ANKDD1A: variants seen among roughly 807,000 people sequenced by gnomAD.
The protein encoded by ANKDD1A is ankyrin repeat and death domain-containing protein 1A.
ANKDD1A carries 59 observed loss-of-function variants against 63.5 expected under a neutral mutation model. That is an observed-to-expected ratio of 0.93 (90% CI 0.75 to 1.15). ANKDD1A has a LOEUF of 1.15. ANKDD1A is among the 50% of genes most tolerant of loss of function. The pLI is 0.00. For synonymous variants in ANKDD1A, 266 were observed against 263.9 expected (o/e 1.01, Z -0.08); for missense variants, 632 against 656.4 (o/e 0.96, Z 0.41).
At chr15:64,952,115 CTTT>C (rs2085298528) in intron 14 of ANKDD1A, among the ~76,000 whole-genome samples, 197 of 11,798 alleles carry the variant, frequency 0.017, 2 homozygotes, top group African/African-American at 0.023. Context: ...TTTTCTTCTT[CTTT>C]CTTCTCTTTC....
At chr15:64,947,157 G>A (rs1281706996) in intron 12 of ANKDD1A, among the ~76,000 whole-genome samples, 2 of 152,182 alleles carry the variant, frequency 1.3e-5, no homozygotes, top group African/African-American at 4.8e-5. Context: ...ATGAGGTTGA[G>A]GGGCAGGAAG....
chr15:64,952,730 CCTT>C (rs1389335907), intron 14 of ANKDD1A, among the ~76,000 whole-genome samples: 13 of 123,548 alleles, frequency 1.1e-4, no homozygotes, highest in African/African-American at 3.0e-4. Flanking sequence ...TTCTTCTTCT[CCTT>C]CTTCCTCCTT....
At chr15:64,917,578 ATGAGCCAG>A in intron 3 of ANKDD1A, 64 bp downstream of exon 3, 2 of 1,511,948 alleles carry the variant, frequency 1.3e-6, no homozygotes, top group Non-Finnish European at 1.8e-6. Flanking sequence ...CTCTGGGTCT[ATGAGCCAG>A]TTGCCGAGAT....
intron 9 of ANKDD1A, among the ~76,000 whole-genome samples, chr15:64,941,646 T>C (rs1330928803): frequency 6.6e-6 from 1 of 152,250 alleles, no homozygotes; most frequent in Non-Finnish European, 1.5e-5. Context: ...AACCCTTTTA[T>C]AGCTCAATAC....
At chr15:64,954,468 T>C (rs1336860680) in intron 14 of ANKDD1A, among the ~76,000 whole-genome samples, 7 of 70,136 alleles carry the variant, frequency 1.0e-4, no homozygotes, top group Admixed American at 9.1e-4. Flanking sequence ...CTCTTCTCCT[T>C]CTTCCTCTTT....
In ANKDD1A at chr15:64,926,156, G is replaced by T; in HGVS notation, c.457G>T (p.Asp153Tyr). 6.2e-7 allele frequency: 1 copy of T among 1,613,924 alleles called. No individual in the cohort carries two copies. The highest frequency in any genetic ancestry group is 1.1e-5 in the South Asian group (1 of 91,046). The change falls in exon 5 of 15, where the codon GAC becomes TAC. Residue 153 changes from aspartate (D) to tyrosine (Y), a missense_variant. Coordinates refer to ENST00000319580, the MANE Select transcript of ANKDD1A (RefSeq NM_182703.6). ...IMEDLEDVALDHVDKLGRTAF... is the reference protein window; with the variant it reads ...IMEDLEDVALYHVDKLGRTAF... ...GGAGGACCTGGAGGATGTGGCCCTG[G>T]ACCACGTAGACAAGGTGAGAGTGCC...
At position 64,917,606 on chromosome 15, in the gene ANKDD1A, T is replaced by C. The variant is rs556281702; in HGVS notation, c.267+92T>C. The stretch of plus-strand genomic sequence containing the variant: ...AGCCAGTTGCCGAGATTGCTGCTAA[T>C]ATGCAGACATTCAGGTGCAGAGTGG... On this transcript the variant is annotated intron_variant, in intron 3 of 14. Coordinates refer to ENST00000319580, the MANE Select transcript of ANKDD1A (RefSeq NM_182703.6). 3.9e-5 allele frequency: 58 copies of C among 1,484,246 alleles called. No individual in the cohort carries two copies. In the South Asian group the frequency reaches 6.9e-4, roughly 18 times the overall value. 91.9% of individuals were successfully genotyped at this position (1,484,246 alleles called of 1,614,324 possible).
chr15:64,939,661 A>G (rs2085164808), intron 9 of ANKDD1A, among the ~76,000 whole-genome samples: 1 of 152,232 alleles, frequency 6.6e-6, no homozygotes, highest in Admixed American at 6.5e-5. Context: ...ACAGTGTAAT[A>G]TGCTTCACAA....
intron 12 of ANKDD1A, among the ~76,000 whole-genome samples, chr15:64,946,385 C>T (rs1016853479): frequency 1.3e-5 from 2 of 152,304 alleles, no homozygotes; most frequent in South Asian, 2.1e-4. Context: ...CAGTAGGAAT[C>T]ATAAGATGTT....
intron 9 of ANKDD1A, among the ~76,000 whole-genome samples, chr15:64,936,318 T>C (rs2085131950): frequency 6.6e-6 from 1 of 152,176 alleles, no homozygotes; most frequent in East Asian, 1.9e-4. Flanking sequence ...TGCTTACTTG[T>C]TTCTGCCCAT....
Position 64,921,950 on chromosome 15 carries a change from C to T in ANKDD1A, c.297C>T (p.Ala99=). ...CFGMNALLLS[A]WFGHLRILQI... The stretch of plus-strand genomic sequence containing the variant: ...GGATGAATGCGCTTCTCCTGTCTGC[C>T]TGGTTCGGCCACTTACGAATCCTCC... The change falls in exon 4 of 15, where the codon GCC becomes GCT. Residue 99 remains alanine (A), a synonymous_variant. Coordinates refer to ENST00000319580, the MANE Select transcript of ANKDD1A (RefSeq NM_182703.6). The T allele has an allele frequency of 6.2e-7, 1 of 1,614,186 alleles. No homozygotes were observed. The highest frequency in any genetic ancestry group is 8.5e-7 in the Non-Finnish European group (1 of 1,180,028).
chr15:64,931,437 T>C, intron 7 of ANKDD1A, 50 bp from the exon 8 acceptor site: 1 of 1,566,632 alleles, frequency 6.4e-7, no homozygotes, highest in Non-Finnish European at 8.7e-7. Context: ...TGGGGGTCAC[T>C]TGGGGGTGGG....
chr15:64,925,006 T>A (rs944129848), intron 4 of ANKDD1A, among the ~76,000 whole-genome samples: 2 of 151,966 alleles, frequency 1.3e-5, no homozygotes, highest in African/African-American at 4.8e-5. Context: ...GCAGGCAGAT[T>A]GCCTGAGTTC....
At chr15:64,931,354 C>G (rs1007945590) in intron 7 of ANKDD1A, 133 bp from the exon 8 acceptor site, 1 of 751,694 alleles carries the variant, frequency 1.3e-6, no homozygotes, top group Non-Finnish European at 2.1e-6. Flanking sequence ...TTCATTGTTC[C>G]CAGGGGCAGG....
At chr15:64,930,537 C>T (rs1370505229) in intron 6 of ANKDD1A, among the ~76,000 whole-genome samples, 5 of 152,160 alleles carry the variant, frequency 3.3e-5, no homozygotes, top group East Asian at 1.9e-4. Context: ...GGCCTTGAGC[C>T]GTGAGAGGAG....
At chr15:64,948,158 G>A (rs1335605617) in intron 13 of ANKDD1A, among the ~76,000 whole-genome samples, 1 of 152,014 alleles carries the variant, frequency 6.6e-6, no homozygotes, top group African/African-American at 2.4e-5. Flanking sequence ...AAAATATAGA[G>A]AGAGAATCTT....
intron 9 of ANKDD1A, among the ~76,000 whole-genome samples, chr15:64,936,709 G>A (rs1284379779): frequency 6.6e-6 from 1 of 151,994 alleles, no homozygotes; most frequent in African/African-American, 2.4e-5. Context: ...GTATGGTGGT[G>A]GGTACCTGCC....
At chr15:64,919,213 C>T (rs1175171021) in intron 3 of ANKDD1A, among the ~76,000 whole-genome samples, 1 of 152,172 alleles carries the variant, frequency 6.6e-6, no homozygotes, top group Non-Finnish European at 1.5e-5. Flanking sequence ...TCAGGAGGCT[C>T]TGGCTCCCAT....
chr15:64,931,824 G>T (rs1405554899), intron 8 of ANKDD1A: 1 of 597,876 alleles, frequency 1.7e-6, no homozygotes, highest in African/African-American at 1.9e-5. Context: ...TTACATTGTT[G>T]TGAGGATTAA....
Sources: allele counts gnomAD v4.1 joint callset (sites outside exome capture counted in the v4.1 genomes callset), GRCh38; gene constraint gnomAD v4.1.1; transcripts MANE v1.5; gene names NCBI Gene and HGNC (gene_info 2026-07-23, HGNC 2026-07-21).